Variants in JAZF1 observed in about 807,000 individuals in gnomAD.
JAZF1 encodes the protein JAZF zinc finger 1, also known as juxtaposed with another zinc finger protein 1.
In JAZF1, 8 loss-of-function variants were observed where a neutral mutation model predicts 26.4. That is an observed-to-expected ratio of 0.30 (90% CI 0.18 to 0.55). The LOEUF (loss-of-function observed/expected upper bound fraction) is 0.55, where lower values mean the gene tolerates loss of function less well. Among genes scored for constraint, JAZF1 ranks in the 20% least tolerant of loss-of-function variants. JAZF1 has a pLI of 0.94. For synonymous variants in JAZF1, 126 were observed against 122.3 expected (o/e 1.03, Z -0.20); for missense variants, 199 against 322.0 (o/e 0.62, Z 2.92).
intron 1 of JAZF1, among the ~76,000 whole-genome samples, chr7:28,023,957 A>G (rs1783048375): frequency 6.6e-6 from 1 of 152,152 alleles, no homozygotes; most frequent in African/African-American, 2.4e-5. Flanking sequence ...TTTAAGTTTA[A>G]GGAAGAAGAG....
At chr7:28,116,445 C>T (rs1341188576) in intron 1 of JAZF1, among the ~76,000 whole-genome samples, 1 of 151,920 alleles carries the variant, frequency 6.6e-6, no homozygotes, top group Non-Finnish European at 1.5e-5. Flanking sequence ...GTATTTCTTT[C>T]TCTCTCTCTC....
At chr7:28,153,870 C>T (rs1783143278) in intron 1 of JAZF1, among the ~76,000 whole-genome samples, 1 of 152,160 alleles carries the variant, frequency 6.6e-6, no homozygotes, top group African/African-American at 2.4e-5. Context: ...GTCTGCAGCT[C>T]AGAACTGTTT....
In JAZF1 at chr7:27,831,554, C is replaced by T. The variant is rs1268419464; in HGVS notation, c.*1246G>A. The T allele has an allele frequency of 4.4e-6, 1 of 227,584 alleles. No homozygotes were observed. The highest frequency in any genetic ancestry group is 8.8e-6 in the Non-Finnish European group (1 of 114,268). 14.1% of individuals were successfully genotyped at this position (227,584 alleles called of 1,614,324 possible). ...ACTCTAATAGGTCGTATTAGTCATGCTTTTCTTTGACCACCTGCTGCAAGA... is the reference window on the plus strand; with the variant it reads ...ACTCTAATAGGTCGTATTAGTCATGTTTTTCTTTGACCACCTGCTGCAAGA... On this transcript the variant is annotated 3_prime_UTR_variant, in exon 5 of 5. Transcript: ENST00000283928.
intron 1 of JAZF1, among the ~76,000 whole-genome samples, chr7:28,168,913 A>C (rs1783411641): frequency 6.6e-6 from 1 of 152,232 alleles, no homozygotes; most frequent in Admixed American, 6.5e-5. Flanking sequence ...AAGGGCTAAG[A>C]ACACATAGGC....
intron 1 of JAZF1, among the ~76,000 whole-genome samples, chr7:28,090,675 C>G (rs1224046985): frequency 2.0e-5 from 3 of 152,204 alleles, no homozygotes; most frequent in African/African-American, 7.2e-5. Context: ...CTAATCTACC[C>G]AAGGCCATAG....
intron 1 of JAZF1, among the ~76,000 whole-genome samples, chr7:28,084,909 T>C (rs1042075224): frequency 6.6e-6 from 1 of 152,186 alleles, no homozygotes; most frequent in African/African-American, 2.4e-5. Context: ...TATGGATTAA[T>C]AGGTTCATAT....
chr7:27,971,523 T>TGTGAGAAAATTAA (rs1785375508), intron 2 of JAZF1, among the ~76,000 whole-genome samples: 1 of 152,180 alleles, frequency 6.6e-6, no homozygotes, highest in Non-Finnish European at 1.5e-5. Context: ...TGAACCTCAA[T>TGTGAGAAAATTAA]GTGAGAAAAT....
intron 1 of JAZF1, among the ~76,000 whole-genome samples, chr7:28,035,327 A>G (rs1783270458): frequency 7.0e-6 from 1 of 142,838 alleles, no homozygotes; most frequent in Non-Finnish European, 1.5e-5. Flanking sequence ...AAAAAAAAAA[A>G]AAAAAAAAAA....
At chr7:28,080,944 A>C (rs765611696) in intron 1 of JAZF1, among the ~76,000 whole-genome samples, 10 of 152,044 alleles carry the variant, frequency 6.6e-5, no homozygotes, top group Non-Finnish European at 1.0e-4. Context: ...AAAAAAACAA[A>C]AAAAAAAATG....
intron 2 of JAZF1, among the ~76,000 whole-genome samples, chr7:27,957,266 G>GCCC (rs1785112484): frequency 6.6e-6 from 1 of 152,118 alleles, no homozygotes; most frequent in Admixed American, 6.6e-5. Context: ...TAGATATGAG[G>GCCC]CCCCACTTGG....
chr7:27,854,101 A>G (rs1344720441), intron 3 of JAZF1, among the ~76,000 whole-genome samples: 1 of 152,208 alleles, frequency 6.6e-6, no homozygotes, highest in Non-Finnish European at 1.5e-5. Flanking sequence ...TTCTTGTTGC[A>G]TGGATCCCTT....
intron 1 of JAZF1, among the ~76,000 whole-genome samples, chr7:28,030,088 C>T (rs1783163837): frequency 6.6e-6 from 1 of 152,182 alleles, no homozygotes; most frequent in Non-Finnish European, 1.5e-5. Flanking sequence ...CAGGCGGTGC[C>T]CCTCTAGATG....
At chr7:27,860,105 G>A (rs1002728009) in intron 3 of JAZF1, among the ~76,000 whole-genome samples, 2 of 152,066 alleles carry the variant, frequency 1.3e-5, no homozygotes, top group African/African-American at 4.8e-5. Flanking sequence ...ATCAAAACTT[G>A]GGTAAATAAT....
At chr7:28,117,413 A>G (rs1422095629) in intron 1 of JAZF1, among the ~76,000 whole-genome samples, 3 of 152,202 alleles carry the variant, frequency 2.0e-5, no homozygotes, top group Non-Finnish European at 4.4e-5. Context: ...CAACTGAGGT[A>G]GACTAGACAT....
At chr7:27,867,892 G>A (rs528043796) in intron 3 of JAZF1, among the ~76,000 whole-genome samples, 1 of 152,280 alleles carries the variant, frequency 6.6e-6, no homozygotes, top group Admixed American at 6.5e-5. Context: ...GGTCTCAGTG[G>A]GAGTGCCCAG....
At chr7:27,997,885 T>C (rs1268727758) in intron 1 of JAZF1, among the ~76,000 whole-genome samples, 1 of 152,032 alleles carries the variant, frequency 6.6e-6, no homozygotes, top group East Asian at 1.9e-4. Context: ...GCCTTAGCTT[T>C]AAATATGAAC....
At chr7:28,085,726 G>C (rs1261976785) in intron 1 of JAZF1, among the ~76,000 whole-genome samples, 1 of 152,204 alleles carries the variant, frequency 6.6e-6, no homozygotes, top group South Asian at 2.1e-4. Context: ...TAATCACAGA[G>C]CCATATTGAC....
chr7:27,989,708 G>C (rs1296440255), intron 2 of JAZF1, among the ~76,000 whole-genome samples: 1 of 152,196 alleles, frequency 6.6e-6, no homozygotes, highest in Non-Finnish European at 1.5e-5. Context: ...GGCCATCAGA[G>C]AAATGCAAAT....
chr7:27,979,390 TTTTTTTTTTTTTTTTA>T, intron 2 of JAZF1, among the ~76,000 whole-genome samples: 2 of 114,678 alleles, frequency 1.7e-5, no homozygotes, highest in Admixed American at 9.1e-5. Flanking sequence ...TTTTTTTTTT[TTTTTTTTTTTTTTTTA>T]GAAACAGAGT....
Sources: gnomAD v4.1 joint callset for allele counts (sites outside exome capture counted in the v4.1 genomes callset) on GRCh38, gnomAD v4.1.1 for gene constraint, MANE v1.5 for transcripts, NCBI Gene and HGNC (gene_info 2026-07-23, HGNC 2026-07-21) for gene names.